Variants in UBE2Q2 observed in about 807,000 individuals in gnomAD.
UBE2Q2 encodes the protein ubiquitin conjugating enzyme E2 Q2, also known as ubiquitin-conjugating enzyme E2 Q2.
UBE2Q2 carries 54 observed loss-of-function variants against 59.9 expected under a neutral mutation model. The ratio of observed to expected loss-of-function variants is 0.90; its 90% CI spans 0.72 to 1.13. The LOEUF (loss-of-function observed/expected upper bound fraction) is 1.13. Ranked by LOEUF, UBE2Q2 falls within the 50% of genes most tolerant of loss-of-function variation. UBE2Q2 has a pLI of 0.00. For missense variants in UBE2Q2, 433 were observed against 441.9 expected, an observed-to-expected ratio of 0.98 and a Z score of 0.18; for synonymous variants, 165 against 155.2, an observed-to-expected ratio of 1.06 and a Z score of -0.47.
At chr15:75,873,871 A>T (rs2141618306) in intron 5 of UBE2Q2, among the ~76,000 whole-genome samples, 1 of 151,918 alleles carries the variant, frequency 6.6e-6, no homozygotes, top group South Asian at 2.1e-4. Flanking sequence ...AGTTTTTTTT[A>T]TTTTTAGTAG....
At chr15:75,871,640 A>G (rs1248700821) in intron 4 of UBE2Q2, among the ~76,000 whole-genome samples, 1 of 152,248 alleles carries the variant, frequency 6.6e-6, no homozygotes, top group Non-Finnish European at 1.5e-5. Context: ...CCCTTAATCC[A>G]TTTAACCCTG....
chr15:75,854,192 C>A (rs1221154209), intron 1 of UBE2Q2, among the ~76,000 whole-genome samples, 194 bp from the exon 2 acceptor site: 1 of 152,138 alleles, frequency 6.6e-6, no homozygotes, highest in Non-Finnish European at 1.5e-5. Flanking sequence ...TGAGCTGTAG[C>A]AACAGACAGT....
chr15:75,849,004 G>A (rs1896500950), intron 1 of UBE2Q2, among the ~76,000 whole-genome samples: 1 of 152,126 alleles, frequency 6.6e-6, no homozygotes, highest in South Asian at 2.1e-4. Flanking sequence ...GCTGTAATTT[G>A]CTGCTTGTGT....
chr15:75,883,561 C>CA (rs1445444474), intron 9 of UBE2Q2, 137 bp downstream of exon 9: 2 of 621,824 alleles, frequency 3.2e-6, no homozygotes, highest in African/African-American at 3.8e-5. Flanking sequence ...CTTGGCCTCC[C>CA]AAAGTGCTGG....
At chr15:75,894,005 C>T (rs1043586707) in intron 11 of UBE2Q2, among the ~76,000 whole-genome samples, 1 of 152,202 alleles carries the variant, frequency 6.6e-6, no homozygotes, top group Non-Finnish European at 1.5e-5. Context: ...CAGTGTCATT[C>T]TCTGATCTTA....
intron 6 of UBE2Q2, 28 bp from the exon 7 acceptor site, chr15:75,877,933 G>C (rs1450910949): frequency 6.3e-7 from 1 of 1,595,872 alleles, no homozygotes; most frequent in Non-Finnish European, 8.6e-7. Context: ...GAAATGAAGA[G>C]TAGCTAACAT....
intron 3 of UBE2Q2, among the ~76,000 whole-genome samples, chr15:75,867,167 A>G (rs1442516504): frequency 6.6e-5 from 10 of 152,178 alleles, no homozygotes; most frequent in Admixed American, 6.5e-4. Flanking sequence ...TCCTGAGCTA[A>G]AAGGAAGAGG....
intron 1 of UBE2Q2, among the ~76,000 whole-genome samples, chr15:75,853,188 T>C (rs990971841): frequency 1.7e-4 from 26 of 152,186 alleles, no homozygotes; most frequent in African/African-American, 6.3e-4. Flanking sequence ...AAAAAAGATA[T>C]GGGCCTGGCT....
intron 11 of UBE2Q2, among the ~76,000 whole-genome samples, chr15:75,895,870 A>C (rs1899392029): frequency 6.6e-6 from 1 of 152,166 alleles, no homozygotes; most frequent in African/African-American, 2.4e-5. Flanking sequence ...CAGCAGCTCT[A>C]CTCTAGGACA....
intron 9 of UBE2Q2, among the ~76,000 whole-genome samples, chr15:75,887,926 G>A (rs533556893): frequency 1.3e-5 from 2 of 152,308 alleles, no homozygotes; most frequent in East Asian, 3.9e-4. Flanking sequence ...TTGGGAAGAA[G>A]TAAAAGCTTG....
At chr15:75,894,095 A>G (rs1170078198) in intron 11 of UBE2Q2, among the ~76,000 whole-genome samples, 2 of 152,252 alleles carry the variant, frequency 1.3e-5, no homozygotes, top group African/African-American at 2.4e-5. Context: ...AACAGCCTTT[A>G]GGTCAAACAG....
chr15:75,869,051 A>AT lies in UBE2Q2; in HGVS notation c.447+46dup, dbSNP rs529734537. 9.5e-5 allele frequency: 144 copies of AT among 1,515,450 alleles called. 1 individual carries two copies. The African/African-American group carries it at 1.7e-3, about 18-fold the overall frequency. The allele number at this position is 1,515,450 out of a possible 1,614,324, so 93.9% of individuals were successfully genotyped here. A position where few individuals can be genotyped will look rare whatever the true frequency, so the allele number is the denominator to read the frequency against. On this transcript the variant is annotated intron_variant, in intron 4 of 12. Coordinates refer to ENST00000267938, the MANE Select transcript of UBE2Q2 (RefSeq NM_173469.4). Reference sequence around the variant, plus strand: ...AAAAGAAGAGTTCATAAATTTCTTCATTTTTGAACATTTGAGTAATTCTCA... The same window carrying AT: ...AAAAGAAGAGTTCATAAATTTCTTCATTTTTTGAACATTTGAGTAATTCTCA...
Position 75,890,910 on chromosome 15 carries a change from C to T in UBE2Q2, c.934-9C>T. The T allele has an allele frequency of 6.2e-7, 1 of 1,611,584 alleles. No individual in the cohort carries two copies. ...TACTGTATTTTAGAGATACTTTGTTCTTCTGTAGGGCTGGAGCAGTGCCTA... is the reference window on the plus strand; with the variant it reads ...TACTGTATTTTAGAGATACTTTGTTTTTCTGTAGGGCTGGAGCAGTGCCTA... On this transcript the variant is annotated splice_polypyrimidine_tract_variant and intron_variant, in intron 10 of 12. Transcript: ENST00000267938.
rs28544014 is a variant in UBE2Q2 at position 75,856,269 on chromosome 15, G to A, written c.282+1782G>A. On this transcript the variant is annotated intron_variant, in intron 2 of 12. Transcript: ENST00000267938. ...TACGTGTGTGTGTGTGTGTGTGTGT[G>A]TATATATATATATATATATATATAA... 1.6e-3 allele frequency among the ~76,000 whole-genome samples: 218 copies of A among 139,272 alleles called. 2 individuals are homozygous for A. Among genetic ancestry groups the A allele is most frequent in the South Asian group, 0.01 (45 of 4,388 alleles). 91.4% of individuals were successfully genotyped at this position (139,272 alleles called of 152,430 possible). A position where few individuals can be genotyped will look rare whatever the true frequency, so the allele number is the denominator to read the frequency against.
chr15:75,857,593 T>C (rs1027255376), intron 2 of UBE2Q2, among the ~76,000 whole-genome samples: 2 of 152,192 alleles, frequency 1.3e-5, no homozygotes, highest in African/African-American at 2.4e-5. Context: ...TTGCCAAAAC[T>C]AGCGGCTCCT....
intron 1 of UBE2Q2, among the ~76,000 whole-genome samples, chr15:75,851,916 A>G (rs1455315252): frequency 6.6e-6 from 1 of 152,228 alleles, no homozygotes; most frequent in African/African-American, 2.4e-5. Flanking sequence ...TCTGTCACCC[A>G]GGCTGGAGTG....
intron 9 of UBE2Q2, among the ~76,000 whole-genome samples, chr15:75,887,414 C>G (rs1207438887): frequency 8.6e-5 from 13 of 152,042 alleles, no homozygotes; most frequent in Admixed American, 8.5e-4. Flanking sequence ...TAAACACAAT[C>G]AGTTATCTAG....
intron 4 of UBE2Q2, 57 bp downstream of exon 4, chr15:75,869,067 G>A: frequency 7.0e-7 from 1 of 1,433,172 alleles, no homozygotes; most frequent in East Asian, 2.5e-5. Flanking sequence ...GAACATTTGA[G>A]TAATTCTCAA....
In UBE2Q2 at chr15:75,878,040, C is replaced by T. The variant is rs757118522; in HGVS notation, c.734+19C>T. The T allele has an allele frequency of 1.2e-6, 2 of 1,609,324 alleles. No homozygotes were observed. The highest frequency in any genetic ancestry group is 2.2e-5 in the South Asian group (2 of 90,754). On this transcript the variant is annotated intron_variant, in intron 7 of 12. Coordinates refer to ENST00000267938, the MANE Select transcript of UBE2Q2 (RefSeq NM_173469.4). ...TGCAGAAGTAAGTGGCTTTTTAATG[C>T]TCACCCACTCTTTGCAATGGTAGAC...
Sources: allele counts gnomAD v4.1 joint callset (sites outside exome capture counted in the v4.1 genomes callset), GRCh38; gene constraint gnomAD v4.1.1; transcripts MANE v1.5; gene names NCBI Gene and HGNC (gene_info 2026-07-23, HGNC 2026-07-21).